JAM2: variants seen among roughly 807,000 people sequenced by gnomAD.
JAM2 encodes junctional adhesion molecule 2.
In JAM2, 17 loss-of-function variants were observed where a neutral mutation model predicts 42.0. The ratio of observed to expected loss-of-function variants is 0.40; its 90% CI spans 0.28 to 0.61. The LOEUF (loss-of-function observed/expected upper bound fraction) is 0.61. JAM2 is among the 20% of genes least tolerant of loss of function. The probability of loss-of-function intolerance (pLI) is 0.37; values close to 1 mark genes in which losing one functional copy is unlikely to be tolerated. For missense variants in JAM2, 319 were observed against 358.3 expected, an observed-to-expected ratio of 0.89 and a Z score of 0.89; for synonymous variants, 118 against 128.6, an observed-to-expected ratio of 0.92 and a Z score of 0.56.
intron 1 of JAM2, among the ~76,000 whole-genome samples, chr21:25,655,483 CTTT>C (rs35503919): frequency 7.7e-6 from 1 of 130,062 alleles, no homozygotes; most frequent in African/African-American, 2.9e-5. Flanking sequence ...AACATCAGCT[CTTT>C]TTTTTTTTTT....
intron 5 of JAM2, among the ~76,000 whole-genome samples, chr21:25,699,722 C>CAAAAAAAAA (rs59490509): frequency 4.8e-5 from 2 of 41,942 alleles, no homozygotes; most frequent in Non-Finnish European, 4.6e-5. Context: ...GGCTCCGTCT[C>CAAAAAAAAA]AAAAAAAAAA....
At chr21:25,670,171 C>G (rs1274384135) in intron 1 of JAM2, among the ~76,000 whole-genome samples, 1 of 152,132 alleles carries the variant, frequency 6.6e-6, no homozygotes, top group African/African-American at 2.4e-5. Context: ...TTCCAATACT[C>G]AATTTGAAAG....
At chr21:25,645,628 C>A (rs2032585652) in intron 1 of JAM2, among the ~76,000 whole-genome samples, 1 of 152,112 alleles carries the variant, frequency 6.6e-6, no homozygotes, top group Admixed American at 6.5e-5. Flanking sequence ...ACACATATAA[C>A]CACTGACAAT....
intron 1 of JAM2, among the ~76,000 whole-genome samples, chr21:25,676,304 G>GA (rs763975091): frequency 2.5e-4 from 25 of 98,538 alleles, no homozygotes; most frequent in South Asian, 8.6e-4. Context: ...AAAAAAAAAA[G>GA]AAAAAGAAAA....
chr21:25,680,523 G>A (rs569282459), intron 1 of JAM2, among the ~76,000 whole-genome samples: 1 of 152,318 alleles, frequency 6.6e-6, no homozygotes, highest in African/African-American at 2.4e-5. Context: ...CATAGAGATG[G>A]GATTTGTAAA....
rs1032782608 is a variant in JAM2 at position 25,702,643 on chromosome 21, C to T, written c.697+374C>T. On this transcript the variant is annotated intron_variant, in intron 6 of 9. Transcript: ENST00000480456. ...ATTTTTAAAATTCAGGAATGTATAT[C>T]ATTGATATTATTCACCAAATTAATT... 2.6e-5 allele frequency among the ~76,000 whole-genome samples: 4 copies of T among 152,086 alleles called. No individual in the cohort carries two copies. The South Asian group carries it at 6.2e-4, about 24-fold the overall frequency.
chr21:25,693,776 G>A lies in JAM2; in HGVS notation c.262G>A (p.Glu88Lys). The change falls in exon 4 of 10, where the codon GAG (glutamate) becomes AAG (lysine). Residue 88 changes from glutamate to lysine, a missense_variant. By Grantham distance (56) the Glu-to-Lys change is moderately conservative. Transcript: ENST00000480456. Reference protein sequence around the residue: ...TLQGDFKNRAEMIDFNIRIKN... With the variant: ...TLQGDFKNRAKMIDFNIRIKN... Reference sequence around the variant, plus strand: ...AAAAGGTGATTTTAAAAATCGAGCTGAGATGATAGATTTCAATATCCGGAT... The same window carrying A: ...AAAAGGTGATTTTAAAAATCGAGCTAAGATGATAGATTTCAATATCCGGAT... 1 of 1,613,878 alleles carries A rather than the reference G, an allele frequency of 6.2e-7. No individual in the cohort carries two copies. The highest frequency in any genetic ancestry group is 8.5e-7 in the Non-Finnish European group (1 of 1,179,770).
chr21:25,661,348 A>G (rs2033083672), intron 1 of JAM2, among the ~76,000 whole-genome samples: 1 of 152,110 alleles, frequency 6.6e-6, no homozygotes, highest in Non-Finnish European at 1.5e-5. Context: ...CTATAGTCCT[A>G]GCTACTTGGA....
intron 2 of JAM2, among the ~76,000 whole-genome samples, chr21:25,688,647 G>A (rs1306100537): frequency 6.6e-6 from 1 of 152,054 alleles, no homozygotes; most frequent in East Asian, 1.9e-4. Context: ...ACAACTTTTG[G>A]TTCTTTTCTT....
rs1334357541 is a variant in JAM2, at chr21:25,639,578, C to T, written c.-244C>T. On this transcript the variant is annotated 5_prime_UTR_variant, in exon 1 of 10. Coordinates refer to ENST00000480456, the MANE Select transcript of JAM2 (RefSeq NM_021219.4). ...TTTTCACGCCCTCTAGCCCCTACCC[C>T]CACACCCCCAAAACAGAACAGACCC... 4.6e-6 allele frequency: 2 copies of T among 438,118 alleles called. No homozygotes were observed. The highest frequency in any genetic ancestry group is 4.1e-5 in the African/African-American group (2 of 48,612). 27.1% of individuals were successfully genotyped at this position (438,118 alleles called of 1,614,324 possible). A position where few individuals can be genotyped will look rare whatever the true frequency, so the allele number is the denominator to read the frequency against.
chr21:25,690,516 AT>A (rs1235799868), intron 3 of JAM2, among the ~76,000 whole-genome samples: 2 of 151,702 alleles, frequency 1.3e-5, no homozygotes, highest in Admixed American at 6.6e-5. Context: ...TTATTTATTT[AT>A]TTTTTTGTAG....
chr21:25,689,770 G>A, intron 2 of JAM2, 96 bp from the exon 3 acceptor site: 1 of 743,136 alleles, frequency 1.3e-6, no homozygotes, highest in African/African-American at 1.8e-5. Context: ...CTATAAAGGA[G>A]TAATTTAAAG....
At chr21:25,655,647 A>AT (rs536746237) in intron 1 of JAM2, among the ~76,000 whole-genome samples, 4,421 of 90,736 alleles carry the variant, frequency 0.049, 246 homozygotes, top group East Asian at 0.11. Flanking sequence ...CGCCCAGCTA[A>AT]TTTTTTTTTT....
intron 1 of JAM2, among the ~76,000 whole-genome samples, chr21:25,650,313 G>A (rs1412414208): frequency 2.0e-5 from 3 of 152,160 alleles, no homozygotes; most frequent in African/African-American, 7.2e-5. Context: ...AGTTTTAGCC[G>A]TTACTTTTAA....
intron 1 of JAM2, among the ~76,000 whole-genome samples, chr21:25,671,255 A>G (rs1403155092): frequency 6.6e-6 from 1 of 152,030 alleles, no homozygotes. Context: ...TAGAAGCCCA[A>G]AATTATGTGG....
intron 1 of JAM2, among the ~76,000 whole-genome samples, chr21:25,678,879 A>G (rs2033561278): frequency 6.6e-6 from 1 of 152,202 alleles, no homozygotes; most frequent in African/African-American, 2.4e-5. Flanking sequence ...AGCTCACTGC[A>G]GCTTCAAACG....
intron 1 of JAM2, among the ~76,000 whole-genome samples, chr21:25,665,031 TGAAGA>T (rs1458945067): frequency 1.3e-5 from 2 of 152,194 alleles, no homozygotes; most frequent in African/African-American, 4.8e-5. Context: ...CAACATAGAT[TGAAGA>T]GAAAAGTTCT....
chr21:25,681,073 A>G (rs942296150), intron 1 of JAM2, among the ~76,000 whole-genome samples: 8 of 152,256 alleles, frequency 5.3e-5, no homozygotes, highest in Non-Finnish European at 1.0e-4. Context: ...AGATGGTAGC[A>G]TGAGTGGAGA....
intron 1 of JAM2, among the ~76,000 whole-genome samples, chr21:25,679,270 G>T (rs2033572523): frequency 6.6e-6 from 1 of 152,112 alleles, no homozygotes; most frequent in African/African-American, 2.4e-5. Context: ...TCCTTTCCAG[G>T]AGTATAATCA....
Sources: allele counts gnomAD v4.1 joint callset (sites outside exome capture counted in the v4.1 genomes callset), GRCh38; gene constraint gnomAD v4.1.1; transcripts MANE v1.5; gene names NCBI Gene and HGNC (gene_info 2026-07-23, HGNC 2026-07-21).